The following ME1 variants were observed in gnomAD, a reference collection of about 807,000 sequenced individuals.
ME1 encodes malic enzyme 1.
Under a neutral mutation model 66.4 loss-of-function variants are expected in ME1, and 74 were observed. The ratio of observed to expected loss-of-function variants is 1.11; its 90% confidence interval spans 0.92 to 1.35. The LOEUF (loss-of-function observed/expected upper bound fraction) is 1.35. ME1 is among the 40% of genes most tolerant of loss of function. The pLI is 0.00. For synonymous variants in ME1, 251 were observed against 235.6 expected, an observed-to-expected ratio of 1.07 and a Z score of -0.60; for missense variants, 750 against 694.1, an observed-to-expected ratio of 1.08 and a Z score of -0.90.
At chr6:83,425,206 G>A (rs1261310792) in intron 1 of ME1, among the ~76,000 whole-genome samples, 1 of 151,850 alleles carries the variant, frequency 6.6e-6, no homozygotes, top group Non-Finnish European at 1.5e-5. Flanking sequence ...ATGTTTCCCA[G>A]TCTGGTCTTG....
At chr6:83,246,238 A>G (rs1348176378) in intron 7 of ME1, among the ~76,000 whole-genome samples, 1 of 152,176 alleles carries the variant, frequency 6.6e-6, no homozygotes, top group East Asian at 1.9e-4. Context: ...TTTTGATATT[A>G]TGGCTCAACA....
At chr6:83,369,376 A>G in intron 3 of ME1, among the ~76,000 whole-genome samples, 1 of 152,124 alleles carries the variant, frequency 6.6e-6, no homozygotes, top group Admixed American at 6.6e-5. Flanking sequence ...GTTTTGGCCT[A>G]ACAGATTAAA....
chr6:83,250,342 G>GA (rs1023888103), intron 7 of ME1, among the ~76,000 whole-genome samples: 7 of 150,808 alleles, frequency 4.6e-5, no homozygotes, highest in Admixed American at 6.6e-5. Context: ...TTGTTTCAAA[G>GA]AAAAAAAATA....
chr6:83,295,554 G>T, intron 6 of ME1, among the ~76,000 whole-genome samples: 1 of 152,002 alleles, frequency 6.6e-6, no homozygotes, highest in East Asian at 1.9e-4. Flanking sequence ...TTGTCGCCCA[G>T]GCTGGAGTGC....
chr6:83,364,534 A>G (rs1024536382), intron 3 of ME1, among the ~76,000 whole-genome samples: 1 of 151,978 alleles, frequency 6.6e-6, no homozygotes, highest in African/African-American at 2.4e-5. Flanking sequence ...GGAGTCAGCA[A>G]TTTTTCTAAG....
intron 2 of ME1, among the ~76,000 whole-genome samples, chr6:83,404,837 G>A (rs180711877): frequency 6.6e-6 from 1 of 152,150 alleles, no homozygotes; most frequent in African/African-American, 2.4e-5. Flanking sequence ...TGTTATTTCT[G>A]AGGCCTCTGT....
intron 9 of ME1, among the ~76,000 whole-genome samples, chr6:83,231,319 A>T (rs1294867360): frequency 6.6e-6 from 1 of 152,208 alleles, no homozygotes. Context: ...ATCTAGTAAG[A>T]AGCATAAATT....
intron 5 of ME1, among the ~76,000 whole-genome samples, chr6:83,322,773 A>T (rs1768203139): frequency 6.6e-6 from 1 of 152,230 alleles, no homozygotes; most frequent in Non-Finnish European, 1.5e-5. Flanking sequence ...CTCACAAGAC[A>T]GGCCAACACT....
chr6:83,289,134 C>T (rs894153968), intron 6 of ME1, among the ~76,000 whole-genome samples: 7 of 152,138 alleles, frequency 4.6e-5, no homozygotes, highest in African/African-American at 1.2e-4. Context: ...ACTTGAATAC[C>T]CCTTATTGCT....
chr6:83,306,009 C>G (rs1767817191), intron 6 of ME1, among the ~76,000 whole-genome samples: 1 of 152,038 alleles, frequency 6.6e-6, no homozygotes, highest in African/African-American at 2.4e-5. Flanking sequence ...TCTATAAACA[C>G]ACGTAAATTA....
At chr6:83,216,398 A>C in intron 13 of ME1, 100 bp downstream of exon 13, 1 of 835,236 alleles carries the variant, frequency 1.2e-6, no homozygotes, top group Admixed American at 2.1e-5. Flanking sequence ...AAGTTGATAC[A>C]GATATACATT....
At chr6:83,228,747 T>C in intron 10 of ME1, 79 bp downstream of exon 10, 1 of 939,626 alleles carries the variant, frequency 1.1e-6, no homozygotes, top group Non-Finnish European at 1.7e-6. Context: ...GGCTAAATTA[T>C]ACCTCAAAAA....
At chr6:83,328,693 A>G (rs1190355757) in intron 5 of ME1, among the ~76,000 whole-genome samples, 7 of 152,172 alleles carry the variant, frequency 4.6e-5, no homozygotes, top group African/African-American at 1.7e-4. Context: ...TGGATTAAAA[A>G]CTTCTTATGG....
intron 3 of ME1, among the ~76,000 whole-genome samples, chr6:83,371,098 T>C (rs1769186228): frequency 6.6e-6 from 1 of 152,184 alleles, no homozygotes; most frequent in Non-Finnish European, 1.5e-5. Context: ...TTAATACAAC[T>C]TTCATTAATC....
intron 3 of ME1, among the ~76,000 whole-genome samples, chr6:83,378,808 G>C (rs1164227458): frequency 6.6e-6 from 1 of 151,490 alleles, no homozygotes; most frequent in Non-Finnish European, 1.5e-5. Context: ...TTGTTCATCT[G>C]TTTTCCAACC....
intron 6 of ME1, among the ~76,000 whole-genome samples, chr6:83,295,459 G>C (rs761964841): frequency 3.3e-5 from 5 of 152,154 alleles, no homozygotes; most frequent in Non-Finnish European, 7.3e-5. Context: ...ATATGGATAG[G>C]AATGAAGATC....
chr6:83,402,891 A>C (rs1428164362), intron 2 of ME1, among the ~76,000 whole-genome samples: 1 of 152,226 alleles, frequency 6.6e-6, no homozygotes, highest in Non-Finnish European at 1.5e-5. Context: ...AAAGAAAAAG[A>C]AGACTGTAAT....
chr6:83,289,366 T>C (rs1312906254), intron 6 of ME1, among the ~76,000 whole-genome samples: 1 of 152,244 alleles, frequency 6.6e-6, no homozygotes, highest in African/African-American at 2.4e-5. Context: ...TGAAAGGCTG[T>C]TGAATATTGT....
chr6:83,226,398 T>C (rs1450418202), intron 11 of ME1, among the ~76,000 whole-genome samples: 1 of 152,190 alleles, frequency 6.6e-6, no homozygotes, highest in Non-Finnish European at 1.5e-5. Context: ...GTGCAAGGCA[T>C]GATGCTAAGA....
Sources: allele counts gnomAD v4.1 joint callset (sites outside exome capture counted in the v4.1 genomes callset), GRCh38; gene constraint gnomAD v4.1.1; transcripts MANE v1.5; gene names NCBI Gene and HGNC (gene_info 2026-07-23, HGNC 2026-07-21).